The following DBNL variants were observed in gnomAD, a reference collection of about 807,000 sequenced individuals.
The protein encoded by DBNL is drebrin-like protein.
Under a neutral mutation model 62.2 loss-of-function variants are expected in DBNL, and 35 were observed. The observed-to-expected ratio is 0.56, with a 90% CI of 0.43 to 0.75. The LOEUF (loss-of-function observed/expected upper bound fraction) is 0.75, where lower values mean the gene tolerates loss of function less well. Ranked by LOEUF, DBNL falls within the 30% of genes least tolerant of loss-of-function variation. DBNL has a pLI of 0.00. For missense variants in DBNL, 495 were observed against 578.4 expected (o/e 0.86, Z 1.48); for synonymous variants, 197 against 218.0 (o/e 0.90, Z 0.85).
chr7:44,058,768 G>A lies in DBNL; in HGVS notation c.754-134G>A, dbSNP rs563101298. On this transcript the variant is annotated intron_variant, in intron 8 of 12. Transcript: ENST00000448521. Reference sequence around the variant, plus strand: ...TTTATTTTTAAATGACTTCTCTCCTGAGAACATGTTTTGCCTCCTGGCCCC... The same window carrying A: ...TTTATTTTTAAATGACTTCTCTCCTAAGAACATGTTTTGCCTCCTGGCCCC... 6.9e-5 allele frequency: 69 copies of A among 995,394 alleles called. No homozygotes were observed. The highest frequency in any genetic ancestry group is 2.3e-4 in the Middle Eastern group (1 of 4,286). 61.7% of individuals were successfully genotyped at this position (995,394 alleles called of 1,614,324 possible).
At chr7:44,052,845 C>T in intron 3 of DBNL, 22 bp from the exon 4 acceptor site, 7 of 1,613,640 alleles carry the variant, frequency 4.3e-6, no homozygotes, top group Non-Finnish European at 5.1e-6. Context: ...CCTGGGTCAA[C>T]CTGGGCATCC....
intron 1 of DBNL, among the ~76,000 whole-genome samples, chr7:44,045,539 T>C (rs1233822013): frequency 6.6e-6 from 1 of 152,206 alleles, no homozygotes; most frequent in African/African-American, 2.4e-5. Context: ...TACTGACCAG[T>C]TTTGAGAAAT....
chr7:44,058,683 TG>T (rs1348689687), intron 8 of DBNL: 1 of 834,908 alleles, frequency 1.2e-6, no homozygotes, highest in Non-Finnish European at 1.9e-6. Flanking sequence ...CACCTGGTCC[TG>T]GGGGAGGCCC....
In DBNL at chr7:44,061,834, G is replaced by C. The variant is rs1484567305; in HGVS notation, c.*918G>C. ...AGTGTCTGCCTCTGCTCCGTGTCTG[G>C]GGTGAGCACCCTCACCCTGAGACTG... is the stretch of plus-strand genomic sequence containing the variant. On this transcript the variant is annotated 3_prime_UTR_variant, in exon 13 of 13. Transcript: ENST00000448521. 6.6e-6 allele frequency: 1 copy of C among 152,354 alleles called. No homozygotes were observed. The highest frequency in any genetic ancestry group is 2.4e-5 in the African/African-American group (1 of 41,452). 9.4% of individuals were successfully genotyped at this position (152,354 alleles called of 1,614,324 possible).
At chr7:44,056,728 C>T in intron 4 of DBNL, 29 bp from the exon 5 acceptor site, 2 of 1,613,398 alleles carry the variant, frequency 1.2e-6, no homozygotes, top group Non-Finnish European at 1.7e-6. Context: ...CTTGCAAAGC[C>T]CTTCTTTCAA....
chr7:44,059,666 C>G lies in DBNL; in HGVS notation c.1047+8C>G. On this transcript the variant is annotated splice_region_variant and intron_variant, in intron 11 of 12. Transcript: ENST00000448521. The surrounding 1 kb of genome is among the most constrained non-coding windows in gnomAD (Gnocchi z 4.1). ...TACGAGCAGCCCCCACTGGTGGGTT[C>G]CTACACTGGGGCTGGGGCCAGGAAG... 1 of 1,594,202 alleles carries G rather than the reference C, an allele frequency of 6.3e-7. No individual in the cohort carries two copies. The highest frequency in any genetic ancestry group is 8.5e-7 in the Non-Finnish European group (1 of 1,175,638).
rs1191922136 is a variant in DBNL, at chr7:44,064,286, C to T, written c.*3370C>T. On this transcript the variant is annotated 3_prime_UTR_variant, in exon 13 of 13. Transcript: ENST00000448521. ...TCTGGCCACTCCATAGTCCTGCACC[C>T]CTCTTTTGATTGGTCTTTCCTTTGC... 5.4e-6 allele frequency: 1 copy of T among 184,164 alleles called. No homozygotes were observed. Among genetic ancestry groups the T allele is most frequent in the Admixed American group, 5.4e-5 (1 of 18,592 alleles). 11.4% of individuals were successfully genotyped at this position (184,164 alleles called of 1,614,324 possible). A position where few individuals can be genotyped will look rare whatever the true frequency, so the allele number is the denominator to read the frequency against.
rs2096162356 is a variant in DBNL at position 44,067,603 on chromosome 7, T to A, written c.*6687T>A. 6.6e-6 allele frequency: 1 copy of A among 152,368 alleles called. No individual in the cohort carries two copies. The highest frequency in any genetic ancestry group is 3.4e-3 in the Middle Eastern group (1 of 294). The allele number at this position is 152,368 out of a possible 1,614,324, so 9.4% of individuals were successfully genotyped here. A position where few individuals can be genotyped will look rare whatever the true frequency, so the allele number is the denominator to read the frequency against. On this transcript the variant is annotated 3_prime_UTR_variant, in exon 13 of 13. Transcript: ENST00000448521. ...TTTGATTCATTTGACAAGTAGTTGCTGGCCTCTGCAGTGTGCCAGAGCTTT... is the reference window on the plus strand; with the variant it reads ...TTTGATTCATTTGACAAGTAGTTGCAGGCCTCTGCAGTGTGCCAGAGCTTT...
Position 44,065,013 on chromosome 7 carries a change from C to T in DBNL, c.*4097C>T. 6.2e-7 allele frequency: 1 copy of T among 1,606,622 alleles called. No homozygotes were observed. Among genetic ancestry groups the T allele is most frequent in the Non-Finnish European group, 8.5e-7 (1 of 1,179,588 alleles). On this transcript the variant is annotated 3_prime_UTR_variant, in exon 13 of 13. Coordinates refer to ENST00000448521, the MANE Select transcript of DBNL (RefSeq NM_001014436.3). ...GCTTCAGGCCTGCGTACCGACGCTC[C>T]TGGGGGACACAGGCACGCTGCTTTC...
Position 44,068,592 on chromosome 7 carries a change from A to G in DBNL, c.*7676A>G, listed in dbSNP as rs895510275. 2 of 152,258 alleles carry G rather than the reference A, an allele frequency of 1.3e-5. No homozygotes were observed. The highest frequency in any genetic ancestry group is 6.5e-5 in the Admixed American group (1 of 15,282). 9.4% of individuals were successfully genotyped at this position (152,258 alleles called of 1,614,324 possible). On this transcript the variant is annotated 3_prime_UTR_variant, in exon 13 of 13. Transcript: ENST00000448521. Reference sequence around the variant, plus strand: ...GTATGAAAACCAGGAAAATCTTAACATGGGAGAAAAGAAGATGATCAATAC... The same window carrying G: ...GTATGAAAACCAGGAAAATCTTAACGTGGGAGAAAAGAAGATGATCAATAC...
chr7:44,051,987 T>C (rs1367042818), intron 3 of DBNL, 45 bp downstream of exon 3: 1 of 1,567,450 alleles, frequency 6.4e-7, no homozygotes, highest in East Asian at 2.2e-5. Context: ...GGAAACCCCA[T>C]TGTCTTCTTT....
chr7:44,058,217 T>C lies in DBNL; in HGVS notation c.641T>C (p.Leu214Pro). The C allele has an allele frequency of 6.4e-7, 1 of 1,569,116 alleles. No individual in the cohort carries two copies. The highest frequency in any genetic ancestry group is 8.6e-7 in the Non-Finnish European group (1 of 1,158,476). Residue 214 changes from leucine (L) to proline (P), a missense_variant, in exon 7 of 13, where the codon CTG (leucine) becomes CCG (proline). Coordinates refer to ENST00000448521, the MANE Select transcript of DBNL (RefSeq NM_001014436.3). ...GAGCAGGAGCGCCGGGAGCGTGAGC[T>C]GCGTGAGGCTGCACGCCGGGAGCAG... is the stretch of plus-strand genomic sequence containing the variant. Reference protein sequence around the residue: ...QLEQERRERELREAARREQRY... With the variant: ...QLEQERREREPREAARREQRY...
At position 44,064,172 on chromosome 7, in the gene DBNL, ACT is replaced by A. The variant is rs922840210; in HGVS notation, c.*3259_*3260del. 5 of 153,996 alleles carry A rather than the reference ACT, an allele frequency of 3.2e-5. No individual in the cohort carries two copies. The highest frequency in any genetic ancestry group is 9.7e-5 in the African/African-American group (4 of 41,426). The allele number at this position is 153,996 out of a possible 1,614,324, so 9.5% of individuals were successfully genotyped here. ...GGGAGGCGGAGCGGAGGTGCCAGTC[ACT>A]CTGGGCGAGGCCTTACTGCGCCCAT... On this transcript the variant is annotated 3_prime_UTR_variant, in exon 13 of 13. Transcript: ENST00000448521.
chr7:44,044,836 G>C lies in DBNL; in HGVS notation c.83+16G>C. 6.9e-7 allele frequency: 1 copy of C among 1,455,638 alleles called. No individual in the cohort carries two copies. Among genetic ancestry groups the C allele is most frequent in the Non-Finnish European group, 9.1e-7 (1 of 1,102,466 alleles). The allele number at this position is 1,455,638 out of a possible 1,614,324, so 90.2% of individuals were successfully genotyped here. ...CGACCGACTGGTGGGCGGCGAGACGGGCCAGGGTCGGGCCAGGGGCTGCCT... is the reference window on the plus strand; with the variant it reads ...CGACCGACTGGTGGGCGGCGAGACGCGCCAGGGTCGGGCCAGGGGCTGCCT... On this transcript the variant is annotated intron_variant, in intron 1 of 12. Coordinates refer to ENST00000448521, the MANE Select transcript of DBNL (RefSeq NM_001014436.3).
At chr7:44,058,026 C>T in intron 6 of DBNL, 103 bp from the exon 7 acceptor site, 1 of 1,520,766 alleles carries the variant, frequency 6.6e-7, no homozygotes, top group Non-Finnish European at 8.9e-7. Context: ...GATCGACTGG[C>T]TCTGGTGCCC....
chr7:44,052,444 T>C (rs2096128237), intron 3 of DBNL, among the ~76,000 whole-genome samples: 1 of 151,926 alleles, frequency 6.6e-6, no homozygotes, highest in Non-Finnish European at 1.5e-5. Flanking sequence ...ACCCCATCTC[T>C]ACTAAAATAC....
At chr7:44,044,865 G>C in intron 1 of DBNL, 45 bp downstream of exon 1, 1 of 1,394,908 alleles carries the variant, frequency 7.2e-7, no homozygotes, top group Non-Finnish European at 9.3e-7. Flanking sequence ...GCTGCCTCAG[G>C]GGTGGGTCTG....
chr7:44,064,159 G>A lies in DBNL; in HGVS notation c.*3243G>A, dbSNP rs1434087956. 1 of 153,878 alleles carries A rather than the reference G, an allele frequency of 6.5e-6. No homozygotes were observed. Among genetic ancestry groups the A allele is most frequent in the Admixed American group, 6.4e-5 (1 of 15,526 alleles). The allele number at this position is 153,878 out of a possible 1,614,324, so 9.5% of individuals were successfully genotyped here. ...AGAATACTAAGGTGGGAGGCGGAGC[G>A]GAGGTGCCAGTCACTCTGGGCGAGG... On this transcript the variant is annotated 3_prime_UTR_variant, in exon 13 of 13. Coordinates refer to ENST00000448521, the MANE Select transcript of DBNL (RefSeq NM_001014436.3).
At position 44,062,360 on chromosome 7, in the gene DBNL, A is replaced by G; in HGVS notation, c.*1444A>G. On this transcript the variant is annotated 3_prime_UTR_variant, in exon 13 of 13. Coordinates refer to ENST00000448521, the MANE Select transcript of DBNL (RefSeq NM_001014436.3). ...CACCCGGGGGTTGCAAGGACAGCAG[A>G]GGACCACCTGCCCTCTGCAGGAAGC... The G allele has an allele frequency of 7.5e-6, 2 of 266,450 alleles. No homozygotes were observed. Among genetic ancestry groups the G allele is most frequent in the South Asian group, 8.3e-5 (2 of 24,078 alleles). The allele number at this position is 266,450 out of a possible 1,614,324, so 16.5% of individuals were successfully genotyped here. A position where few individuals can be genotyped will look rare whatever the true frequency, so the allele number is the denominator to read the frequency against.
Sources: allele counts gnomAD v4.1 joint callset (sites outside exome capture counted in the v4.1 genomes callset), GRCh38; gene constraint gnomAD v4.1.1; non-coding constraint Gnocchi (gnomAD v3.1); transcripts MANE v1.5; gene names NCBI Gene and HGNC (gene_info 2026-07-23, HGNC 2026-07-21).